SUPT3H: variants seen among roughly 807,000 people sequenced by gnomAD.
SUPT3H encodes transcription initiation protein SPT3 homolog.
In SUPT3H, 44 loss-of-function variants were observed where a neutral mutation model predicts 44.3. The ratio of observed to expected loss-of-function variants is 0.99; its 90% CI spans 0.78 to 1.28. The LOEUF (loss-of-function observed/expected upper bound fraction) is 1.28. Ranked by LOEUF, SUPT3H falls within the 50% of genes most tolerant of loss-of-function variation. The pLI, the probability that SUPT3H is intolerant of heterozygous loss-of-function variation, is 0.00. For missense variants in SUPT3H, 380 were observed against 387.1 expected, an observed-to-expected ratio of 0.98 and a Z score of 0.15; for synonymous variants, 124 against 125.6, an observed-to-expected ratio of 0.99 and a Z score of 0.09.
intron 10 of SUPT3H, among the ~76,000 whole-genome samples, chr6:44,917,135 C>T (rs775422836): frequency 5.9e-5 from 9 of 151,576 alleles, no homozygotes; most frequent in Non-Finnish European, 1.2e-4. Context: ...GCCTGGGTAA[C>T]AGAGTGAGAC....
intron 3 of SUPT3H, among the ~76,000 whole-genome samples, chr6:45,103,735 T>C (rs1181103001): frequency 6.6e-6 from 1 of 152,116 alleles, no homozygotes; most frequent in African/African-American, 2.4e-5. Context: ...CTTCCACGAA[T>C]TGATACCTAG....
At chr6:44,996,251 C>T (rs1408150400) in intron 6 of SUPT3H, among the ~76,000 whole-genome samples, 1 of 151,704 alleles carries the variant, frequency 6.6e-6, no homozygotes. Flanking sequence ...ATTTTATATA[C>T]AAAAATGGCA....
intron 10 of SUPT3H, among the ~76,000 whole-genome samples, chr6:44,851,120 C>T (rs1431254564): frequency 1.3e-5 from 2 of 151,972 alleles, no homozygotes; most frequent in Non-Finnish European, 2.9e-5. Context: ...TGTGTAGAGA[C>T]CACAGGAAGG....
chr6:44,842,218 A>T (rs1771056142), intron 10 of SUPT3H, among the ~76,000 whole-genome samples: 2 of 152,066 alleles, frequency 1.3e-5, no homozygotes, highest in African/African-American at 4.8e-5. Context: ...TTTTCTGTGT[A>T]TATTCTCTGT....
At chr6:45,321,911 C>T (rs745390354) in intron 2 of SUPT3H, 3 of 1,374,994 alleles carry the variant, frequency 2.2e-6, no homozygotes, top group Non-Finnish European at 3.0e-6. Flanking sequence ...AAATTGTAAT[C>T]TCACCTTAGA....
chr6:45,250,222 A>C (rs1349110679), intron 2 of SUPT3H, among the ~76,000 whole-genome samples: 2 of 152,194 alleles, frequency 1.3e-5, no homozygotes, highest in East Asian at 3.9e-4. Flanking sequence ...GGAAATCAGA[A>C]GCAGCAGAAA....
chr6:45,111,074 C>G (rs185736101), intron 2 of SUPT3H, among the ~76,000 whole-genome samples: 1,693 of 151,038 alleles, frequency 0.011, 18 homozygotes, highest in Non-Finnish European at 0.016. Context: ...ACTCTGTCAC[C>G]CAGGCTGGAG....
chr6:44,833,296 A>G (rs1385399345), intron 10 of SUPT3H, among the ~76,000 whole-genome samples: 1 of 152,178 alleles, frequency 6.6e-6, no homozygotes, highest in Non-Finnish European at 1.5e-5. Flanking sequence ...GAATTCCTAT[A>G]AATTTGCTTA....
intron 2 of SUPT3H, among the ~76,000 whole-genome samples, chr6:45,323,238 A>G (rs1210744006): frequency 6.6e-6 from 1 of 152,148 alleles, no homozygotes; most frequent in East Asian, 1.9e-4. Flanking sequence ...AACCTTCAAC[A>G]ACCTCCTTTA....
chr6:44,851,947 AC>A (rs1349385421), intron 10 of SUPT3H, among the ~76,000 whole-genome samples: 1 of 152,188 alleles, frequency 6.6e-6, no homozygotes, highest in Non-Finnish European at 1.5e-5. Context: ...TGCCAAAGAG[AC>A]AAAGATTGAC....
downstream of SUPT3H, among the ~76,000 whole-genome samples, chr6:44,824,212 A>C (rs1190892942): frequency 6.6e-6 from 1 of 152,230 alleles, no homozygotes; most frequent in African/African-American, 2.4e-5. Context: ...GAAGTGTGGC[A>C]AGCCAACTCA....
intron 3 of SUPT3H, among the ~76,000 whole-genome samples, chr6:45,030,266 A>G (rs1282871584): frequency 1.3e-5 from 2 of 152,154 alleles, no homozygotes; most frequent in East Asian, 1.9e-4. Flanking sequence ...TTACATTTGC[A>G]TTTCTTAAAA....
At chr6:45,102,201 C>T (rs577337549) in intron 3 of SUPT3H, among the ~76,000 whole-genome samples, 4 of 152,072 alleles carry the variant, frequency 2.6e-5, no homozygotes, top group Non-Finnish European at 5.9e-5. Flanking sequence ...ACACAGTATT[C>T]TACAGTAAGG....
At chr6:45,016,313 A>C (rs938039725) in intron 4 of SUPT3H, among the ~76,000 whole-genome samples, 1 of 151,780 alleles carries the variant, frequency 6.6e-6, no homozygotes, top group African/African-American at 2.4e-5. Context: ...ACCTGACTAT[A>C]ATTGTTTTTT....
intron 3 of SUPT3H, among the ~76,000 whole-genome samples, chr6:45,074,497 T>C (rs1477706115): frequency 6.6e-6 from 1 of 151,658 alleles, no homozygotes; most frequent in African/African-American, 2.4e-5. Flanking sequence ...GAAACAGAAA[T>C]GAAAATCACA....
At chr6:45,167,348 G>C (rs1468336437) in intron 2 of SUPT3H, among the ~76,000 whole-genome samples, 1 of 152,146 alleles carries the variant, frequency 6.6e-6, no homozygotes, top group Non-Finnish European at 1.5e-5. Context: ...TTTACACCTG[G>C]CTCCACTGCT....
intron 2 of SUPT3H, among the ~76,000 whole-genome samples, chr6:45,326,468 AAT>A (rs1786360618): frequency 6.6e-6 from 1 of 151,954 alleles, no homozygotes; most frequent in East Asian, 1.9e-4. Context: ...CCTTCACATG[AAT>A]AACTGCATGT....
chr6:45,078,936 A>C (rs1795378345), intron 3 of SUPT3H, among the ~76,000 whole-genome samples: 1 of 152,154 alleles, frequency 6.6e-6, no homozygotes, highest in African/African-American at 2.4e-5. Context: ...TTTCACTTGA[A>C]TCTAACATGG....
At chr6:45,206,473 C>T (rs1199942105) in intron 2 of SUPT3H, among the ~76,000 whole-genome samples, 1 of 151,620 alleles carries the variant, frequency 6.6e-6, no homozygotes, top group Non-Finnish European at 1.5e-5. Flanking sequence ...GGACACACAG[C>T]CCATCATAAA....
Sources: gnomAD v4.1 joint callset for allele counts (sites outside exome capture counted in the v4.1 genomes callset) on GRCh38, gnomAD v4.1.1 for gene constraint, MANE v1.5 for transcripts, NCBI Gene and HGNC (gene_info 2026-07-23, HGNC 2026-07-21) for gene names.